RPH3A: variants seen among roughly 807,000 people sequenced by gnomAD.
RPH3A encodes the protein rabphilin 3A.
A neutral mutation model predicts 102.2 loss-of-function variants in RPH3A; 48 were observed. That is an observed-to-expected ratio of 0.47 (90% CI 0.37 to 0.60). The LOEUF (loss-of-function observed/expected upper bound fraction) is 0.60, where lower values mean the gene tolerates loss of function less well. Ranked by LOEUF, RPH3A falls within the 20% of genes least tolerant of loss-of-function variation. The pLI, the probability that RPH3A is intolerant of heterozygous loss-of-function variation, is 0.00. For missense variants in RPH3A, 781 were observed against 910.1 expected (o/e 0.86, Z 1.83); for synonymous variants, 310 against 324.3 (o/e 0.96, Z 0.47).
chr12:112,694,656 A>G (rs868180499), intron 1 of RPH3A, among the ~76,000 whole-genome samples: 6 of 125,560 alleles, frequency 4.8e-5, no homozygotes, highest in Non-Finnish European at 8.3e-5. Context: ...ACACGCACAC[A>G]CACACACACA....
intron 1 of RPH3A, among the ~76,000 whole-genome samples, chr12:112,637,726 T>G (rs1433074542): frequency 1.3e-5 from 2 of 152,152 alleles, no homozygotes; most frequent in African/African-American, 4.8e-5. Flanking sequence ...CTTTTCCATT[T>G]TCCTCTCTGC....
intron 5 of RPH3A, among the ~76,000 whole-genome samples, chr12:112,855,895 C>CAG (rs1263706239): frequency 2.0e-5 from 3 of 150,210 alleles, no homozygotes; most frequent in East Asian, 3.9e-4. Flanking sequence ...GTGTGAGAGA[C>CAG]AGAGAGAGAG....
At chr12:112,800,625 G>A (rs1446520642) in intron 2 of RPH3A, among the ~76,000 whole-genome samples, 2 of 152,200 alleles carry the variant, frequency 1.3e-5, no homozygotes, top group African/African-American at 4.8e-5. Context: ...GGGGAGCTGT[G>A]ATGGGGCAGG....
intron 1 of RPH3A, among the ~76,000 whole-genome samples, chr12:112,645,224 C>T (rs1324223020): frequency 6.6e-6 from 1 of 152,132 alleles, no homozygotes; most frequent in Non-Finnish European, 1.5e-5. Flanking sequence ...ACACCACATG[C>T]CACCCTGGAT....
rs988614157 is a variant in RPH3A at position 112,582,358 on chromosome 12, A to G, written c.-140+7039A>G. 3.4e-5 allele frequency among the ~76,000 whole-genome samples: 5 copies of G among 147,094 alleles called. 1 individual carries two copies. The highest frequency in any genetic ancestry group is 1.3e-4 in the African/African-American group (5 of 39,582). ...GCTCCTGGGCTTGAGCAATTCTCCCACATCCGCCTGCCAAAGTGATAGGAT... is the reference window on the plus strand; with the variant it reads ...GCTCCTGGGCTTGAGCAATTCTCCCGCATCCGCCTGCCAAAGTGATAGGAT... On this transcript the variant is annotated intron_variant, in intron 1 of 21. Coordinates refer to the RPH3A transcript ENST00000543106.
chr12:112,604,611 T>C lies in RPH3A; in HGVS notation c.-140+29292T>C, dbSNP rs374687677. Among the ~76,000 whole-genome samples, 281 of 152,294 alleles carry C rather than the reference T, an allele frequency of 1.8e-3. 3 individuals are homozygous for C. Among genetic ancestry groups the C allele is most frequent in the African/African-American group, 6.5e-3 (270 of 41,558 alleles). On this transcript the variant is annotated intron_variant, in intron 1 of 21. Coordinates refer to the RPH3A transcript ENST00000543106. ...ACCCAACATGTAGCAGCTTACATGT[T>C]GGGTTAATTATATAAGTGACATTTA...
At chr12:112,761,822 A>G (rs1042519805) in intron 1 of RPH3A, among the ~76,000 whole-genome samples, 4 of 152,226 alleles carry the variant, frequency 2.6e-5, no homozygotes, top group African/African-American at 4.8e-5. Flanking sequence ...GTCTGGCTAT[A>G]GAGTAAATGC....
chr12:112,648,570 CAAAAAAA>C (rs1167121829), intron 1 of RPH3A, among the ~76,000 whole-genome samples: 52 of 11,044 alleles, frequency 4.7e-3, no homozygotes, highest in African/African-American at 0.014. Flanking sequence ...CCCATCTCTA[CAAAAAAA>C]AAAAAAAAAA....
intron 1 of RPH3A, among the ~76,000 whole-genome samples, chr12:112,727,708 G>A (rs969307430): frequency 6.6e-6 from 1 of 152,052 alleles, no homozygotes; most frequent in Admixed American, 6.5e-5. Flanking sequence ...AGTGAAGTCA[G>A]TCTAGGGATT....
At chr12:112,821,322 C>T (rs2041774440) in intron 2 of RPH3A, among the ~76,000 whole-genome samples, 1 of 152,202 alleles carries the variant, frequency 6.6e-6, no homozygotes, top group Non-Finnish European at 1.5e-5. Flanking sequence ...ATAGAATATA[C>T]TCAGCTTGCA....
At chr12:112,613,181 G>C (rs2039652119) in intron 1 of RPH3A, among the ~76,000 whole-genome samples, 2 of 152,144 alleles carry the variant, frequency 1.3e-5, no homozygotes, top group African/African-American at 4.8e-5. Context: ...CATGGCCAAG[G>C]ACACAAATCT....
At chr12:112,853,520 G>A (rs963273097) in intron 5 of RPH3A, among the ~76,000 whole-genome samples, 4 of 152,166 alleles carry the variant, frequency 2.6e-5, no homozygotes, top group African/African-American at 9.6e-5. Context: ...ATATGTTATA[G>A]AATCTGTTTG....
At chr12:112,669,846 A>AT (rs1566251047) in intron 1 of RPH3A, among the ~76,000 whole-genome samples, 4 of 152,132 alleles carry the variant, frequency 2.6e-5, no homozygotes, top group Non-Finnish European at 4.4e-5. Flanking sequence ...CTATAGCATA[A>AT]TTTTTTTCAA....
intron 2 of RPH3A, among the ~76,000 whole-genome samples, chr12:112,826,214 A>C (rs911640813): frequency 6.6e-6 from 1 of 152,182 alleles, no homozygotes; most frequent in African/African-American, 2.4e-5. Flanking sequence ...CATCTGCAAG[A>C]AGGCTTCCGG....
intron 1 of RPH3A, among the ~76,000 whole-genome samples, chr12:112,730,381 C>T (rs1483784127): frequency 3.3e-5 from 5 of 152,256 alleles, no homozygotes; most frequent in Non-Finnish European, 7.3e-5. Flanking sequence ...GTAGCCTCAG[C>T]TGCAGAAAGC....
At chr12:112,616,478 T>C (rs2039680919) in intron 1 of RPH3A, among the ~76,000 whole-genome samples, 1 of 152,212 alleles carries the variant, frequency 6.6e-6, no homozygotes, top group Non-Finnish European at 1.5e-5. Context: ...ATGGCTGAGT[T>C]GGAGACTTTT....
intron 7 of RPH3A, among the ~76,000 whole-genome samples, chr12:112,867,147 A>G (rs937995091): frequency 6.7e-6 from 1 of 148,258 alleles, no homozygotes; most frequent in African/African-American, 2.5e-5. Flanking sequence ...TCCATTTCTT[A>G]TTTCCATTTT....
chr12:112,606,074 C>T (rs530199190), intron 1 of RPH3A, among the ~76,000 whole-genome samples: 2 of 152,274 alleles, frequency 1.3e-5, no homozygotes, highest in East Asian at 1.9e-4. Context: ...ATCTATGTAT[C>T]TTTCTTCTCT....
chr12:112,804,003 A>C (rs1419223725), intron 2 of RPH3A, among the ~76,000 whole-genome samples: 1 of 152,242 alleles, frequency 6.6e-6, no homozygotes, highest in Non-Finnish European at 1.5e-5. Flanking sequence ...TGCTGGATAC[A>C]TGCAAGTTGT....
Sources: gnomAD v4.1 joint callset for allele counts (sites outside exome capture counted in the v4.1 genomes callset) on GRCh38, gnomAD v4.1.1 for gene constraint, MANE v1.5 for transcripts, NCBI Gene and HGNC (gene_info 2026-07-23, HGNC 2026-07-21) for gene names.